Variants in GPC3 observed in about 807,000 individuals in gnomAD.
GPC3 encodes glypican-3.
Under a neutral mutation model 34.4 loss-of-function variants are expected in GPC3, and 3 were observed. The observed-to-expected ratio is 0.09, with a 90% confidence interval of 0.04 to 0.23. The LOEUF is 0.23. Ranked by LOEUF, GPC3 falls within the 10% of genes least tolerant of loss-of-function variation. The probability of loss-of-function intolerance (pLI) is 1.00; values close to 1 mark genes in which losing one functional copy is unlikely to be tolerated. For synonymous variants in GPC3, 177 were observed against 174.0 expected (o/e 1.02, Z -0.13); for missense variants, 351 against 445.6 (o/e 0.79, Z 1.91).
intron 1 of GPC3, among the ~76,000 whole-genome samples, chrX:133,962,951 C>G (rs916812519): frequency 7.2e-5 from 8 of 111,546 alleles, no homozygotes; most frequent in Non-Finnish European, 1.5e-4. Context: ...CAAGTGTGTT[C>G]CCAAATCTGG....
chrX:133,729,398 GTT>G (rs1244979937), intron 3 of GPC3, among the ~76,000 whole-genome samples: 1 of 111,518 alleles, frequency 9.0e-6, no homozygotes, highest in African/African-American at 3.3e-5. Flanking sequence ...GGTTAGAAGA[GTT>G]TTCATTCAGG....
chrX:133,685,863 GACA>G (rs2070996685), intron 5 of GPC3, among the ~76,000 whole-genome samples: 1 of 109,310 alleles, frequency 9.1e-6, no homozygotes, highest in African/African-American at 3.3e-5. Context: ...GAGTAGCTGG[GACA>G]ACAAGCACGT....
chrX:133,793,300 C>T (rs1569433927), intron 2 of GPC3, among the ~76,000 whole-genome samples: 1 of 111,515 alleles, frequency 9.0e-6, no homozygotes, highest in East Asian at 2.8e-4. Context: ...TAAAGAAAAA[C>T]CCATTACAGT....
chrX:133,737,571 T>A (rs1213586353), intron 3 of GPC3, among the ~76,000 whole-genome samples: 1 of 111,818 alleles, frequency 8.9e-6, no homozygotes, highest in Admixed American at 9.4e-5. Flanking sequence ...GGCAAAAACA[T>A]AAATAAAAGA....
At chrX:133,840,673 C>A (rs955677682) in intron 2 of GPC3, among the ~76,000 whole-genome samples, 1 of 110,896 alleles carries the variant, frequency 9.0e-6, no homozygotes, top group African/African-American at 3.3e-5. Context: ...TTTTCCTATC[C>A]TTTGACAAAA....
At chrX:133,767,697 C>T (rs887476421) in intron 2 of GPC3, among the ~76,000 whole-genome samples, 3 of 109,990 alleles carry the variant, frequency 2.7e-5, no homozygotes, top group African/African-American at 6.6e-5. Context: ...CAATGGGCTC[C>T]GGAAGCAGGC....
chrX:133,959,096 C>T (rs2076431293), intron 1 of GPC3, among the ~76,000 whole-genome samples: 2 of 111,492 alleles, frequency 1.8e-5, no homozygotes, highest in Non-Finnish European at 3.8e-5. Context: ...ACAGATGGTC[C>T]ACAGAAGGCT....
chrX:133,963,503 G>A (rs1362720706), intron 1 of GPC3, among the ~76,000 whole-genome samples: 3 of 111,075 alleles, frequency 2.7e-5, no homozygotes, highest in African/African-American at 9.8e-5. Context: ...CTGCTTCCCT[G>A]TTTCGCTCAT....
At chrX:133,845,159 T>C (rs1476453001) in intron 2 of GPC3, among the ~76,000 whole-genome samples, 1 of 111,632 alleles carries the variant, frequency 9.0e-6, no homozygotes, top group Admixed American at 9.6e-5. Context: ...GAAGCACAAA[T>C]GACACTTAAA....
At chrX:133,678,297 AC>A (rs1463373638) in intron 5 of GPC3, among the ~76,000 whole-genome samples, 2 of 111,501 alleles carry the variant, frequency 1.8e-5, no homozygotes, top group Non-Finnish European at 3.8e-5. Flanking sequence ...GTCCCACTGT[AC>A]CCTTAGAATT....
chrX:133,975,191 C>T (rs781250026), intron 1 of GPC3, among the ~76,000 whole-genome samples: 4 of 111,766 alleles, frequency 3.6e-5, no homozygotes, highest in East Asian at 2.8e-4. Flanking sequence ...TCCCTGCCAC[C>T]GCTCACTCTC....
rs7878099 is a variant in GPC3, at chrX:133,587,174, T to C, written c.1573+9266A>G. On this transcript the variant is annotated intron_variant, in intron 7 of 7. Transcript: ENST00000370818. The stretch of plus-strand genomic sequence containing the variant: ...GTTTTCATATACGAATGAGAACATG[T>C]GGTGTTTAACTTTTTGTTACCAGCT... Among the ~76,000 whole-genome samples, 335 of 112,032 alleles carry C rather than the reference T, an allele frequency of 3.0e-3. 3 individuals carry two copies. Among genetic ancestry groups the C allele is most frequent in the African/African-American group, 0.01 (320 of 30,842 alleles).
chrX:133,654,718 C>A (rs12394400), intron 6 of GPC3, among the ~76,000 whole-genome samples: 36,083 of 107,605 alleles, frequency 0.34, 8,932 homozygotes, highest in African/African-American at 0.84. Flanking sequence ...TCTCAAAAAA[C>A]AAAAAACAAA....
At chrX:133,680,025 C>T (rs961911817) in intron 5 of GPC3, among the ~76,000 whole-genome samples, 1 of 111,479 alleles carries the variant, frequency 9.0e-6, no homozygotes, top group South Asian at 3.8e-4. Flanking sequence ...AATATAGTGT[C>T]GCTGGGGACA....
At chrX:133,754,278 T>A in intron 2 of GPC3, 102 bp from the exon 3 acceptor site, 1 of 610,673 alleles carries the variant, frequency 1.6e-6, no homozygotes, top group Non-Finnish European at 2.6e-6. Context: ...CTGTGGTGAT[T>A]AAGGTCCCAT....
intron 2 of GPC3, among the ~76,000 whole-genome samples, chrX:133,910,633 G>A (rs757367858): frequency 3.6e-5 from 4 of 111,775 alleles, no homozygotes; most frequent in East Asian, 2.8e-4. Flanking sequence ...GCATCTCTGC[G>A]ACAAGGACCA....
chrX:133,909,527 G>A (rs772305045), intron 2 of GPC3, among the ~76,000 whole-genome samples: 4 of 111,371 alleles, frequency 3.6e-5, no homozygotes, highest in South Asian at 3.8e-4. Context: ...TTTAGATTAC[G>A]CATTCCTTTT....
intron 3 of GPC3, among the ~76,000 whole-genome samples, chrX:133,744,535 G>T (rs978971312): frequency 8.9e-6 from 1 of 112,348 alleles, no homozygotes; most frequent in South Asian, 3.7e-4. Context: ...AGGATGTGGA[G>T]AAATAGGAAC....
At chrX:133,715,908 G>A (rs1049263411) in intron 3 of GPC3, among the ~76,000 whole-genome samples, 11 of 111,162 alleles carry the variant, frequency 9.9e-5, no homozygotes, top group African/African-American at 1.6e-4. Flanking sequence ...GCAAGGAAGT[G>A]AAGGCTAAGG....
Sources: gnomAD v4.1 joint callset for allele counts (sites outside exome capture counted in the v4.1 genomes callset) on GRCh38, gnomAD v4.1.1 for gene constraint, MANE v1.5 for transcripts, NCBI Gene and HGNC (gene_info 2026-07-23, HGNC 2026-07-21) for gene names.